Variants in LAMA2 observed in about 807,000 individuals in gnomAD.
The protein encoded by LAMA2 is laminin subunit alpha 2, also known as laminin subunit alpha-2.
A neutral mutation model predicts 364.8 loss-of-function variants in LAMA2; 269 were observed. That is an observed-to-expected ratio of 0.74 (90% CI 0.67 to 0.82). The LOEUF (loss-of-function observed/expected upper bound fraction) is 0.82, where lower values mean the gene tolerates loss of function less well. Among genes scored for constraint, LAMA2 ranks in the 40% least tolerant of loss-of-function variants. The pLI is 0.00. For missense variants in LAMA2, 3,807 were observed against 3,873.2 expected (o/e 0.98, Z 0.45); for synonymous variants, 1,379 against 1,370.6 (o/e 1.01, Z -0.14).
chr6:129,167,198 ATGTGCACAATG>A (rs1389863327), intron 9 of LAMA2, among the ~76,000 whole-genome samples: 2 of 152,028 alleles, frequency 1.3e-5, no homozygotes, highest in African/African-American at 2.4e-5. Flanking sequence ...TTTAGGGTAC[ATGTGCACAATG>A]TGCAGGTTAG....
chr6:129,305,877 C>A (rs1773836529), intron 22 of LAMA2, among the ~76,000 whole-genome samples: 1 of 150,894 alleles, frequency 6.6e-6, no homozygotes, highest in South Asian at 2.1e-4. Context: ...AACATCTTCT[C>A]TTGACTTTTG....
At chr6:129,432,876 T>A (rs1781665435) in intron 41 of LAMA2, among the ~76,000 whole-genome samples, 1 of 152,256 alleles carries the variant, frequency 6.6e-6, no homozygotes, top group African/African-American at 2.4e-5. Context: ...ACACCTTCCC[T>A]CCTTTCCTGA....
intron 1 of LAMA2, among the ~76,000 whole-genome samples, chr6:128,993,727 A>T (rs1197345198): frequency 6.6e-6 from 1 of 152,200 alleles, no homozygotes. Flanking sequence ...GGAGAGAGGC[A>T]GTGTTTCTGA....
intron 4 of LAMA2, among the ~76,000 whole-genome samples, chr6:129,115,899 G>A (rs745577630): frequency 1.4e-4 from 21 of 152,124 alleles, no homozygotes; most frequent in Non-Finnish European, 2.6e-4. Context: ...AATGACAGCT[G>A]TTATTATCAT....
chr6:129,169,999 C>T lies in LAMA2; in HGVS notation c.1306+4324C>T, dbSNP rs1481905850. ...TTTTAGTTTGTATTTCTGTGGGATC[C>T]GTGGTGATATCCCCTTTATCATTTT... On this transcript the variant is annotated intron_variant, in intron 9 of 64. Transcript: ENST00000421865. Among the ~76,000 whole-genome samples, 13 of 149,660 alleles carry T rather than the reference C, an allele frequency of 8.7e-5. 1 individual carries two copies. Among genetic ancestry groups the T allele is most frequent in the African/African-American group, 2.8e-4 (11 of 39,238 alleles).
intron 12 of LAMA2, among the ~76,000 whole-genome samples, chr6:129,244,116 T>C (rs1035706515): frequency 2.0e-5 from 3 of 152,122 alleles, no homozygotes; most frequent in Non-Finnish European, 4.4e-5. Flanking sequence ...ACAACTCTGG[T>C]TCATTTTCTA....
chr6:129,140,414 A>C, intron 4 of LAMA2, among the ~76,000 whole-genome samples: 1 of 152,030 alleles, frequency 6.6e-6, no homozygotes, highest in East Asian at 1.9e-4. Flanking sequence ...ACTCTAAAAA[A>C]CCAGTTGATA....
intron 12 of LAMA2, among the ~76,000 whole-genome samples, chr6:129,232,574 G>C (rs1048613377): frequency 6.6e-6 from 1 of 151,940 alleles, no homozygotes; most frequent in African/African-American, 2.4e-5. Context: ...AATAGCAATG[G>C]ATTTCAAATT....
At chr6:129,377,467 A>G (rs957655551) in intron 34 of LAMA2, among the ~76,000 whole-genome samples, 2 of 152,190 alleles carry the variant, frequency 1.3e-5, no homozygotes, top group Non-Finnish European at 2.9e-5. Flanking sequence ...ATATTTAGGA[A>G]GAAATTCCAC....
chr6:128,888,134 G>A (rs1369281261), intron 1 of LAMA2, among the ~76,000 whole-genome samples: 2 of 152,162 alleles, frequency 1.3e-5, no homozygotes, highest in African/African-American at 4.8e-5. Flanking sequence ...CAGTAAATGA[G>A]AAAACAAGAC....
At chr6:129,345,514 T>C (rs1180826095) in intron 30 of LAMA2, among the ~76,000 whole-genome samples, 1 of 152,190 alleles carries the variant, frequency 6.6e-6, no homozygotes, top group Non-Finnish European at 1.5e-5. Flanking sequence ...TTTTGTTTCA[T>C]TGTTGTTTTA....
intron 1 of LAMA2, among the ~76,000 whole-genome samples, chr6:128,957,134 T>C (rs576410080): frequency 6.6e-6 from 1 of 152,260 alleles, no homozygotes; most frequent in African/African-American, 2.4e-5. Flanking sequence ...AGAATGTTTT[T>C]CCAAAAATTC....
At chr6:128,912,422 A>G (rs4452666) in intron 1 of LAMA2, among the ~76,000 whole-genome samples, 33,763 of 152,116 alleles carry the variant, frequency 0.22, 5,621 homozygotes, top group African/African-American at 0.47. Context: ...TATTTTTTAC[A>G]TTTCTGGCAA....
chr6:129,012,587 C>T (rs1784831362), intron 1 of LAMA2, among the ~76,000 whole-genome samples: 1 of 152,098 alleles, frequency 6.6e-6, no homozygotes, highest in African/African-American at 2.4e-5. Flanking sequence ...TTACCTAAGT[C>T]TCATTCAAGC....
intron 12 of LAMA2, among the ~76,000 whole-genome samples, chr6:129,193,074 A>G (rs1347847775): frequency 1.3e-5 from 2 of 152,198 alleles, no homozygotes; most frequent in African/African-American, 2.4e-5. Flanking sequence ...CTGATGTTCT[A>G]TGTAAACTTT....
intron 40 of LAMA2, among the ~76,000 whole-genome samples, chr6:129,422,287 A>AGG (rs1483874884): frequency 6.6e-6 from 1 of 152,078 alleles, no homozygotes; most frequent in African/African-American, 2.4e-5. Context: ...CCTAAAAAGC[A>AGG]GGGAAAAAAA....
chr6:129,452,362 A>T (rs12523994), intron 45 of LAMA2, among the ~76,000 whole-genome samples: 21,611 of 152,176 alleles, frequency 0.14, 1,618 homozygotes, highest in East Asian at 0.21. Flanking sequence ...ATACATTAAT[A>T]GTGATAGCCA....
In LAMA2 at chr6:129,267,950, TA is replaced by T. The variant is rs1157789662; in HGVS notation, c.2322+732del. 3.9e-5 allele frequency among the ~76,000 whole-genome samples: 6 copies of T among 152,236 alleles called. No homozygotes were observed. The South Asian group carries it at 6.2e-4, about 16-fold the overall frequency. Reference sequence around the variant, plus strand: ...CTTGAAACAACACTTCTCCTTTCATTAGTCTTGCAGAAACACAATTTAAAAT... The same window carrying T: ...CTTGAAACAACACTTCTCCTTTCATTGTCTTGCAGAAACACAATTTAAAAT... On this transcript the variant is annotated intron_variant, in intron 16 of 64. Transcript: ENST00000421865.
At chr6:129,515,064 C>T (rs772207807) in intron 64 of LAMA2, among the ~76,000 whole-genome samples, 18 of 152,102 alleles carry the variant, frequency 1.2e-4, no homozygotes, top group East Asian at 3.9e-4. Flanking sequence ...TACAAAGAAA[C>T]GCAAGCAATA....
Sources: allele counts gnomAD v4.1 joint callset (sites outside exome capture counted in the v4.1 genomes callset), GRCh38; gene constraint gnomAD v4.1.1; transcripts MANE v1.5; gene names NCBI Gene and HGNC (gene_info 2026-07-23, HGNC 2026-07-21).